The following PCSK5 variants were observed in gnomAD, a reference collection of about 807,000 sequenced individuals.
PCSK5 encodes proprotein convertase subtilisin/kexin type 5, also known as prohormone convertase 5.
A neutral mutation model predicts 233.2 loss-of-function variants in PCSK5; 129 were observed. The observed-to-expected ratio is 0.55, with a 90% CI of 0.48 to 0.64. The LOEUF (loss-of-function observed/expected upper bound fraction) is 0.64, where lower values mean the gene tolerates loss of function less well. Ranked by LOEUF, PCSK5 falls within the 30% of genes least tolerant of loss-of-function variation. PCSK5 has a pLI of 0.00. For missense variants in PCSK5, 2,076 were observed against 2,430.1 expected (o/e 0.85, Z 3.06); for synonymous variants, 825 against 879.2 (o/e 0.94, Z 1.09).
intron 24 of PCSK5, among the ~76,000 whole-genome samples, chr9:76,289,214 C>G (rs892613298): frequency 5.9e-5 from 9 of 152,096 alleles, no homozygotes; most frequent in African/African-American, 2.2e-4. Flanking sequence ...GAGGCATCTG[C>G]TCGCATGTTC....
At chr9:76,351,784 C>T (rs1032621167) in intron 36 of PCSK5, among the ~76,000 whole-genome samples, 2 of 151,104 alleles carry the variant, frequency 1.3e-5, no homozygotes, top group African/African-American at 4.9e-5. Context: ...GTCACCCAGG[C>T]TGGAGTGCAG....
chr9:76,343,333 TTGTGTGTG>T (rs57513234), intron 35 of PCSK5, among the ~76,000 whole-genome samples: 6,040 of 133,822 alleles, frequency 0.045, 186 homozygotes, highest in East Asian at 0.16. Flanking sequence ...CCTGGGTAAT[TTGTGTGTG>T]TGTGTGTGTG....
intron 24 of PCSK5, among the ~76,000 whole-genome samples, chr9:76,263,859 C>G (rs1405871873): frequency 6.6e-6 from 1 of 151,800 alleles, no homozygotes; most frequent in Non-Finnish European, 1.5e-5. Flanking sequence ...TTGGAAGAAT[C>G]AATATCATTA....
chr9:76,174,376 C>T (rs1018166340), intron 13 of PCSK5, among the ~76,000 whole-genome samples: 6 of 151,562 alleles, frequency 4.0e-5, no homozygotes, highest in African/African-American at 7.3e-5. Context: ...GCGTGATCTC[C>T]GCTCTCTGCA....
At chr9:76,011,241 G>A (rs917551846) in intron 3 of PCSK5, among the ~76,000 whole-genome samples, 1 of 152,212 alleles carries the variant, frequency 6.6e-6, no homozygotes, top group Non-Finnish European at 1.5e-5. Context: ...TTCTCTGTAG[G>A]TTCCTTTATT....
intron 20 of PCSK5, chr9:76,194,395 A>G (rs1824583476): frequency 6.6e-6 from 1 of 152,634 alleles, no homozygotes; most frequent in Non-Finnish European, 1.5e-5. Flanking sequence ...GCTTGTGCCC[A>G]TGTTGGCCGG....
intron 5 of PCSK5, among the ~76,000 whole-genome samples, chr9:76,050,359 G>A (rs1258184097): frequency 2.0e-5 from 3 of 151,754 alleles, no homozygotes; most frequent in African/African-American, 7.3e-5. Context: ...ATATATATAT[G>A]GAAAGAAATA....
intron 2 of PCSK5, among the ~76,000 whole-genome samples, chr9:75,953,061 A>C (rs1275312248): frequency 6.6e-6 from 1 of 152,280 alleles, no homozygotes; most frequent in East Asian, 1.9e-4. Context: ...ATTACGTTAC[A>C]TTGTGTATTT....
intron 37 of PCSK5, among the ~76,000 whole-genome samples, chr9:76,357,830 C>A (rs376203917): frequency 5.9e-5 from 9 of 152,226 alleles, no homozygotes; most frequent in East Asian, 3.8e-4. Context: ...TAAGGCCCCA[C>A]ATGGCTCTCA....
rs1217074196 is a variant in PCSK5 at position 76,272,405 on chromosome 9, C to T, written c.3143-19828C>T. Among the ~76,000 whole-genome samples, 4 of 152,186 alleles carry T rather than the reference C, an allele frequency of 2.6e-5. No homozygotes were observed. The East Asian group carries it at 5.8e-4, about 22-fold the overall frequency. ...AATCCACTCTCTCCTCTAATAATGGCCTTCTTTCTGAAATGTAAACCTGAC... is the reference window on the plus strand; with the variant it reads ...AATCCACTCTCTCCTCTAATAATGGTCTTCTTTCTGAAATGTAAACCTGAC... On this transcript the variant is annotated intron_variant, in intron 24 of 37. Transcript: ENST00000674117.
chr9:76,142,799 A>C (rs1002560928), intron 10 of PCSK5, among the ~76,000 whole-genome samples: 6 of 152,196 alleles, frequency 3.9e-5, no homozygotes, highest in Non-Finnish European at 1.5e-5. Context: ...TCACTACATG[A>C]TAGTCACATA....
chr9:75,996,440 C>A (rs1470897033), intron 3 of PCSK5, among the ~76,000 whole-genome samples: 2 of 152,074 alleles, frequency 1.3e-5, no homozygotes, highest in Non-Finnish European at 2.9e-5. Flanking sequence ...GCTGGCCTAC[C>A]AGGACATGGC....
intron 28 of PCSK5, among the ~76,000 whole-genome samples, chr9:76,303,108 T>TTATG (rs925301200): frequency 2.0e-5 from 3 of 152,158 alleles, no homozygotes; most frequent in African/African-American, 7.2e-5. Flanking sequence ...GAGGAGGACT[T>TTATG]TATGCCCTGC....
At chr9:76,121,360 G>A (rs1832623117) in intron 9 of PCSK5, among the ~76,000 whole-genome samples, 1 of 151,446 alleles carries the variant, frequency 6.6e-6, no homozygotes, top group African/African-American at 2.4e-5. Flanking sequence ...TATGCTATTG[G>A]TTTCATTTTA....
chr9:76,227,205 G>A (rs1825922552), intron 20 of PCSK5, among the ~76,000 whole-genome samples: 1 of 152,180 alleles, frequency 6.6e-6, no homozygotes, highest in South Asian at 2.1e-4. Flanking sequence ...GGTCTGGTGG[G>A]AAGCCCCGCT....
At chr9:76,013,843 A>G (rs1374025417) in intron 3 of PCSK5, among the ~76,000 whole-genome samples, 1 of 152,140 alleles carries the variant, frequency 6.6e-6, no homozygotes, top group East Asian at 1.9e-4. Context: ...ACATATTAAA[A>G]GTTGTTTTTC....
chr9:76,344,874 C>T (rs1829933276), intron 35 of PCSK5, among the ~76,000 whole-genome samples: 1 of 152,280 alleles, frequency 6.6e-6, no homozygotes, highest in African/African-American at 2.4e-5. Flanking sequence ...ATGTCTCTTA[C>T]CGTCAACCAA....
chr9:75,903,587 TAA>T (rs557750644), intron 1 of PCSK5, among the ~76,000 whole-genome samples: 14,422 of 140,572 alleles, frequency 0.1, 1,731 homozygotes, highest in African/African-American at 0.27. Flanking sequence ...TATATATATA[TAA>T]AATATATATT....
chr9:76,117,241 A>T (rs961453331), intron 9 of PCSK5, among the ~76,000 whole-genome samples: 1 of 152,136 alleles, frequency 6.6e-6, no homozygotes, highest in Non-Finnish European at 1.5e-5. Flanking sequence ...ACAGTCAAGT[A>T]AGCTGAGCAC....
Sources: allele counts gnomAD v4.1 joint callset (sites outside exome capture counted in the v4.1 genomes callset), GRCh38; gene constraint gnomAD v4.1.1; transcripts MANE v1.5; gene names NCBI Gene and HGNC (gene_info 2026-07-23, HGNC 2026-07-21).